The following ATXN8OS variants were observed in gnomAD, a reference collection of about 807,000 sequenced individuals.
The protein encoded by ATXN8OS is ATXN8 opposite strand (non-protein coding).
intron 4 of ATXN8OS, among the ~76,000 whole-genome samples, chr13:70,161,322 AT>A (rs1889006783): frequency 6.6e-6 from 1 of 152,054 alleles, no homozygotes; most frequent in African/African-American, 2.4e-5. Context: ...AAGCATTCTG[AT>A]TTTTGTAATT....
chr13:70,165,211 G>GA (rs1889064174), intron 4 of ATXN8OS, among the ~76,000 whole-genome samples: 1 of 151,746 alleles, frequency 6.6e-6, no homozygotes, highest in African/African-American at 2.4e-5. Context: ...AATTTAAGAG[G>GA]AAGAGTGGAA....
intron 3 of ATXN8OS, chr13:70,131,393 C>T (rs1377155377): frequency 3.3e-5 from 13 of 398,304 alleles, no homozygotes; most frequent in Admixed American, 4.4e-5. Context: ...CATATATGAC[C>T]GTGACACGTA....
At chr13:70,128,858 CT>C (rs34976551) in intron 2 of ATXN8OS, among the ~76,000 whole-genome samples, 6,063 of 147,130 alleles carry the variant, frequency 0.041, 247 homozygotes, top group African/African-American at 0.1. Context: ...ATCCCCCCAC[CT>C]TTTTTTTTTT....
chr13:70,140,045 G>A lies in ATXN8OS; in HGVS notation n.500-7310G>A, dbSNP rs899178646. On this transcript the variant is annotated intron_variant and non_coding_transcript_variant, in intron 3 of 4. Transcript: ENST00000678624. ...TTAAATTTAGTAGCTAGTAATTAGG[G>A]CTACAACTCTTCATAAAAAATTCTC... 4.6e-5 allele frequency among the ~76,000 whole-genome samples: 7 copies of A among 152,110 alleles called. No individual in the cohort carries two copies. The East Asian group carries it at 1.2e-3, about 25-fold the overall frequency.
chr13:70,152,513 G>A (rs1448505549), intron 4 of ATXN8OS, among the ~76,000 whole-genome samples: 2 of 151,742 alleles, frequency 1.3e-5, no homozygotes, highest in African/African-American at 4.8e-5. Context: ...GTGTTTAATT[G>A]TTGTATTGAA....
chr13:70,152,337 C>A (rs1289728092), intron 4 of ATXN8OS, among the ~76,000 whole-genome samples: 1 of 118,628 alleles, frequency 8.4e-6, no homozygotes, highest in African/African-American at 2.9e-5. Context: ...CCCAGCTGTA[C>A]ACTCTGTACC....
chr13:70,131,574 A>G (rs1312785320), intron 3 of ATXN8OS: 2 of 397,876 alleles, frequency 5.0e-6, no homozygotes, highest in African/African-American at 2.1e-5. Flanking sequence ...TTTCCTCCAC[A>G]TTAAATACTT....
intron 2 of ATXN8OS, among the ~76,000 whole-genome samples, chr13:70,125,599 A>T (rs542575882): frequency 6.6e-6 from 1 of 152,196 alleles, no homozygotes; most frequent in South Asian, 2.1e-4. Flanking sequence ...TCCTAAAACC[A>T]CTATTTTACA....
chr13:70,126,953 C>T (rs1426830110), intron 2 of ATXN8OS, among the ~76,000 whole-genome samples: 2 of 151,742 alleles, frequency 1.3e-5, no homozygotes, highest in East Asian at 1.9e-4. Flanking sequence ...TATATATACA[C>T]TATATATCTA....
intron 3 of ATXN8OS, among the ~76,000 whole-genome samples, chr13:70,138,248 A>G (rs1341810528): frequency 6.6e-6 from 1 of 152,100 alleles, no homozygotes; most frequent in Non-Finnish European, 1.5e-5. Flanking sequence ...ATTAAATTTA[A>G]TTCAGTTACT....
At chr13:70,127,184 T>C (rs915168543) in intron 2 of ATXN8OS, among the ~76,000 whole-genome samples, 1 of 151,970 alleles carries the variant, frequency 6.6e-6, no homozygotes, top group African/African-American at 2.4e-5. Flanking sequence ...TTATGTCACT[T>C]AATTCTTTCT....
chr13:70,109,442 T>G (rs1363164466), intron 1 of ATXN8OS, among the ~76,000 whole-genome samples: 1 of 152,182 alleles, frequency 6.6e-6, no homozygotes, highest in African/African-American at 2.4e-5. Context: ...AATCAACCAC[T>G]GAAGTGCAGT....
chr13:70,114,443 C>T (rs1016894419), intron 1 of ATXN8OS, among the ~76,000 whole-genome samples: 1 of 152,048 alleles, frequency 6.6e-6, no homozygotes, highest in Non-Finnish European at 1.5e-5. Context: ...TAAATTAAAG[C>T]ATACATATAA....
chr13:70,109,280 C>T (rs3812854), intron 1 of ATXN8OS, among the ~76,000 whole-genome samples: 33,597 of 152,138 alleles, frequency 0.22, 3,910 homozygotes, highest in Admixed American at 0.29. Flanking sequence ...ATGTTTTAAC[C>T]TTTCCTTTAA....
At chr13:70,139,441 ATATAT>A (rs1888674810) in intron 3 of ATXN8OS, 2 of 674,078 alleles carry the variant, frequency 3.0e-6, no homozygotes, top group African/African-American at 3.9e-5. Flanking sequence ...TTTTTTAAAA[ATATAT>A]TATCTTATTT....
At chr13:70,166,858 T>C (rs866442236) in intron 4 of ATXN8OS, among the ~76,000 whole-genome samples, 1 of 151,704 alleles carries the variant, frequency 6.6e-6, no homozygotes, top group Non-Finnish European at 1.5e-5. Context: ...GGGCAAAGGA[T>C]ATAAACAGAC....
chr13:70,167,060 T>C (rs1053778215), intron 4 of ATXN8OS, among the ~76,000 whole-genome samples: 3 of 151,958 alleles, frequency 2.0e-5, no homozygotes, highest in African/African-American at 7.2e-5. Context: ...ACTTTTACAC[T>C]GTTGGTGGGA....
At chr13:70,126,468 GCTCT>G (rs372138374) in intron 2 of ATXN8OS, among the ~76,000 whole-genome samples, 68 of 152,050 alleles carry the variant, frequency 4.5e-4, no homozygotes, top group African/African-American at 1.5e-3. Context: ...GCTAAGTTGT[GCTCT>G]CTCTTTCTCC....
chr13:70,168,594 T>A (rs1209247109), intron 4 of ATXN8OS, among the ~76,000 whole-genome samples: 2 of 29,212 alleles, frequency 6.8e-5, no homozygotes, highest in Non-Finnish European at 4.7e-4. Flanking sequence ...TGTGACATCA[T>A]TTTTTTTTTT....
Sources: gnomAD v4.1 joint callset for allele counts (sites outside exome capture counted in the v4.1 genomes callset) on GRCh38, gnomAD v4.1.1 for gene constraint, MANE v1.5 for transcripts, NCBI Gene and HGNC (gene_info 2026-07-23, HGNC 2026-07-21) for gene names.